Variants in FAM135B observed in about 807,000 individuals in gnomAD.
FAM135B encodes protein FAM135B.
Under a neutral mutation model 127.7 loss-of-function variants are expected in FAM135B, and 43 were observed. The observed-to-expected ratio is 0.34, with a 90% confidence interval of 0.26 to 0.43. The LOEUF is 0.43. Ranked by LOEUF, FAM135B falls within the 20% of genes least tolerant of loss-of-function variation. The probability of loss-of-function intolerance (pLI) is 1.00; values close to 1 mark genes in which losing one functional copy is unlikely to be tolerated. For missense variants in FAM135B, 1,558 were observed against 1,725.6 expected, an observed-to-expected ratio of 0.90 and a Z score of 1.72; for synonymous variants, 670 against 665.1, an observed-to-expected ratio of 1.01 and a Z score of -0.11.
chr8:138,382,789 T>C (rs191285724), intron 1 of FAM135B, among the ~76,000 whole-genome samples: 13 of 152,288 alleles, frequency 8.5e-5, no homozygotes, highest in Non-Finnish European at 1.5e-4. Context: ...AATAACGCTT[T>C]CATGCAGAGT....
chr8:138,494,023 T>C (rs1056717276), intron 1 of FAM135B, among the ~76,000 whole-genome samples: 1 of 96,010 alleles, frequency 1.0e-5, no homozygotes, highest in Non-Finnish European at 1.8e-5. Context: ...TTCCATCAGA[T>C]GTTTTCAGCA....
intron 7 of FAM135B, among the ~76,000 whole-genome samples, chr8:138,203,563 T>C (rs1485266455): frequency 6.6e-6 from 1 of 152,176 alleles, no homozygotes; most frequent in Non-Finnish European, 1.5e-5. Context: ...TCTGTGCAAG[T>C]GGGTCATATC....
chr8:138,421,515 A>C (rs1033555686), intron 1 of FAM135B, among the ~76,000 whole-genome samples: 7 of 152,112 alleles, frequency 4.6e-5, no homozygotes, highest in Non-Finnish European at 1.0e-4. Context: ...AGAACCAAAT[A>C]AAAAATGCAA....
At chr8:138,158,346 C>T (rs1390525637) in intron 12 of FAM135B, among the ~76,000 whole-genome samples, 2 of 152,116 alleles carry the variant, frequency 1.3e-5, no homozygotes, top group Admixed American at 6.5e-5. Flanking sequence ...ACCATAAAAA[C>T]CCTAGAAGAA....
rs1267599856 is a variant in FAM135B, at chr8:138,307,907, C to T, written c.157+2934G>A. Among the ~76,000 whole-genome samples, 7 of 152,102 alleles carry T rather than the reference C, an allele frequency of 4.6e-5. No individual in the cohort carries two copies. The East Asian group carries it at 1.2e-3, about 25-fold the overall frequency. Reference sequence around the variant, plus strand: ...TATTTTTGCCTAAAGATATATTTTTCTTTTTTCCCGTCAGAAATGCATACA... The same window carrying T: ...TATTTTTGCCTAAAGATATATTTTTTTTTTTTCCCGTCAGAAATGCATACA... On this transcript the variant is annotated intron_variant, in intron 3 of 19. Transcript: ENST00000395297.
intron 3 of FAM135B, among the ~76,000 whole-genome samples, chr8:138,285,208 G>A (rs1264972951): frequency 8.3e-6 from 1 of 120,638 alleles, no homozygotes; most frequent in Non-Finnish European, 1.6e-5. Context: ...GTGCAGTGGT[G>A]CAATCTCGAC....
In FAM135B at chr8:138,141,107, AG is replaced by A. The variant is rs1156995465; in HGVS notation, c.3790+90del. On this transcript the variant is annotated intron_variant, in intron 17 of 19. Coordinates refer to ENST00000395297, the MANE Select transcript of FAM135B (RefSeq NM_015912.4). This position sits in a 1 kb window ranked among gnomAD's most constrained non-coding sequence, Gnocchi z 4.7. Reference sequence around the variant, plus strand: ...TGCTTGGAAAAGACTGCACAGTCACAGGGTTCCAAGTGGAAGTACCTGTGCC... The same window carrying A: ...TGCTTGGAAAAGACTGCACAGTCACAGGTTCCAAGTGGAAGTACCTGTGCC... The A allele has an allele frequency of 4.0e-6, 5 of 1,258,946 alleles. No individual in the cohort carries two copies. In the African/African-American group the frequency reaches 7.4e-5, roughly 19 times the overall value. 78.0% of individuals were successfully genotyped at this position (1,258,946 alleles called of 1,614,324 possible). A position where few individuals can be genotyped will look rare whatever the true frequency, so the allele number is the denominator to read the frequency against.
intron 7 of FAM135B, among the ~76,000 whole-genome samples, chr8:138,215,470 A>G (rs1818472198): frequency 6.6e-6 from 1 of 152,180 alleles, no homozygotes. Flanking sequence ...GGAAATAACT[A>G]TTACATAGCA....
intron 7 of FAM135B, among the ~76,000 whole-genome samples, chr8:138,234,858 T>C (rs1820149978): frequency 6.6e-6 from 1 of 152,184 alleles, no homozygotes; most frequent in Non-Finnish European, 1.5e-5. Context: ...TCTATGTCTA[T>C]AATCAGGAGA....
chr8:138,274,701 A>T (rs1823671550), intron 3 of FAM135B, among the ~76,000 whole-genome samples: 1 of 152,138 alleles, frequency 6.6e-6, no homozygotes, highest in South Asian at 2.1e-4. Context: ...CAGTTCAGAG[A>T]CCTACCCCCA....
At chr8:138,490,523 GC>G (rs1470528902) in intron 1 of FAM135B, among the ~76,000 whole-genome samples, 2 of 152,152 alleles carry the variant, frequency 1.3e-5, no homozygotes, top group African/African-American at 4.8e-5. Context: ...GGCCTTATCT[GC>G]CATCCTAGCA....
At chr8:138,348,006 AT>A (rs1382300230) in intron 2 of FAM135B, among the ~76,000 whole-genome samples, 1 of 151,140 alleles carries the variant, frequency 6.6e-6, no homozygotes, top group Non-Finnish European at 1.5e-5. Flanking sequence ...TACTATGACT[AT>A]TTTTACTGTT....
At chr8:138,452,045 T>C (rs1025722852) in intron 1 of FAM135B, among the ~76,000 whole-genome samples, 2 of 152,072 alleles carry the variant, frequency 1.3e-5, no homozygotes, top group African/African-American at 4.8e-5. Context: ...ATTATCACTT[T>C]GTAGGCATAA....
At chr8:138,416,799 G>A (rs1834182953) in intron 1 of FAM135B, among the ~76,000 whole-genome samples, 1 of 152,090 alleles carries the variant, frequency 6.6e-6, no homozygotes, top group African/African-American at 2.4e-5. Context: ...GGCACAGAGA[G>A]TGAATGGAGG....
At chr8:138,194,486 A>T (rs1299870255) in intron 9 of FAM135B, among the ~76,000 whole-genome samples, 1 of 152,228 alleles carries the variant, frequency 6.6e-6, no homozygotes, top group Non-Finnish European at 1.5e-5. Flanking sequence ...ACTCTGTTTC[A>T]GCCAGTTTGT....
rs142612137 is a variant in FAM135B at position 138,380,610 on chromosome 8, G to A, written c.-19-12608C>T. On this transcript the variant is annotated intron_variant, in intron 1 of 19. Coordinates refer to ENST00000395297, the MANE Select transcript of FAM135B (RefSeq NM_015912.4). Reference sequence around the variant, plus strand: ...ACATTTGAGGCCCAGAAAAGGGAGTGGTTTGCCCATAATCACAGAACAAAT... The same window carrying A: ...ACATTTGAGGCCCAGAAAAGGGAGTAGTTTGCCCATAATCACAGAACAAAT... 4.2e-3 allele frequency among the ~76,000 whole-genome samples: 634 copies of A among 151,998 alleles called. 6 individuals are homozygous for A. The highest frequency in any genetic ancestry group is 0.015 in the African/African-American group (613 of 41,460).
rs374751454 is a variant in FAM135B, at chr8:138,242,928, C to G, written c.669+14G>C. 6 of 1,605,530 alleles carry G rather than the reference C, an allele frequency of 3.7e-6. No individual in the cohort carries two copies. The highest frequency in any genetic ancestry group is 5.1e-6 in the Non-Finnish European group (6 of 1,177,170). On this transcript the variant is annotated intron_variant, in intron 7 of 19. Coordinates refer to ENST00000395297, the MANE Select transcript of FAM135B (RefSeq NM_015912.4). The surrounding 1 kb of genome is among the most constrained non-coding windows in gnomAD (Gnocchi z 9.6). ...TTTGAAAGTTTTGAAGCAACTGCCC[C>G]ACACAGGCCTTACCTCTGAGGAAGT...
intron 9 of FAM135B, among the ~76,000 whole-genome samples, chr8:138,188,577 G>A (rs982029968): frequency 2.0e-5 from 3 of 152,166 alleles, no homozygotes; most frequent in Admixed American, 1.3e-4. Context: ...CTTCCTCATG[G>A]CTCTCTGTGA....
In FAM135B at chr8:138,243,047, G is replaced by A. The variant is rs1421473485; in HGVS notation, c.564C>T (p.Gly188=). ...CTGGGCCACCTTTACCAAGCCAGGA[G>A]CCTCTTCCTGGACGAGTAAAACTAA... ...PLISFTRPGR[G]SWLGKGGPDT... Residue 188 remains glycine, a synonymous_variant, in exon 7 of 20, where the codon GGC becomes GGT. Coordinates refer to ENST00000395297, the MANE Select transcript of FAM135B (RefSeq NM_015912.4). The surrounding 1 kb of genome is among the most constrained non-coding windows in gnomAD (Gnocchi z 7.5). 6 of 1,611,766 alleles carry A rather than the reference G, an allele frequency of 3.7e-6. No individual in the cohort carries two copies. The highest frequency in any genetic ancestry group is 1.7e-5 in the Admixed American group (1 of 59,432).
Sources: gnomAD v4.1 joint callset for allele counts (sites outside exome capture counted in the v4.1 genomes callset) on GRCh38, gnomAD v4.1.1 for gene constraint, Gnocchi (gnomAD v3.1) non-coding constraint, MANE v1.5 for transcripts, NCBI Gene and HGNC (gene_info 2026-07-23, HGNC 2026-07-21) for gene names.